Variants in KIF18A observed in about 807,000 individuals in gnomAD.
KIF18A encodes kinesin-like protein KIF18A.
KIF18A carries 67 observed loss-of-function variants against 103.3 expected under a neutral mutation model. The observed-to-expected ratio is 0.65, with a 90% CI of 0.53 to 0.79. The LOEUF (loss-of-function observed/expected upper bound fraction) is 0.79. Among genes scored for constraint, KIF18A ranks in the 30% least tolerant of loss-of-function variants. KIF18A has a pLI of 0.00. For synonymous variants in KIF18A, 367 were observed against 355.5 expected (o/e 1.03, Z -0.36); for missense variants, 1,032 against 1,062.5 (o/e 0.97, Z 0.40).
rs553362409 is a variant in KIF18A at position 28,041,079 on chromosome 11, A to G, written c.1949-4415T>C. 3.6e-4 allele frequency among the ~76,000 whole-genome samples: 55 copies of G among 151,950 alleles called. No homozygotes were observed. The South Asian group carries it at 0.01, about 29-fold the overall frequency. ...AACAATCTAAAAGGAGTACACCTGC[A>G]TAAAAAGAATTCACTGTTCATCCCA... On this transcript the variant is annotated intron_variant, in intron 13 of 16. Coordinates refer to ENST00000263181, the MANE Select transcript of KIF18A (RefSeq NM_031217.4).
At chr11:28,036,120 A>G (rs113161766) in intron 14 of KIF18A, 97 bp downstream of exon 14, 2 of 707,502 alleles carry the variant, frequency 2.8e-6, no homozygotes, top group African/African-American at 1.8e-5. Context: ...ACTGTTTTAT[A>G]ATCAAAATGG....
chr11:28,063,229 G>T (rs541817588), intron 11 of KIF18A, among the ~76,000 whole-genome samples: 1 of 152,154 alleles, frequency 6.6e-6, no homozygotes, highest in South Asian at 2.1e-4. Context: ...CCTTTATGGA[G>T]ATCAGTTTAC....
rs1234171045 is a variant in KIF18A, at chr11:28,094,396, T to TGGGGGATCTGTATGAAGGGTATCTG, written c.483+222_483+246dup. On this transcript the variant is annotated intron_variant, in intron 3 of 16. Coordinates refer to ENST00000263181, the MANE Select transcript of KIF18A (RefSeq NM_031217.4). The stretch of plus-strand genomic sequence containing the variant: ...GCAAATGCAGTAAAATGCTAACATA[T>TGGGGGATCTGTATGAAGGGTATCTG]GGGGGATCTGTATGAAGGGTATCTG... Among the ~76,000 whole-genome samples the TGGGGGATCTGTATGAAGGGTATCTG allele has an allele frequency of 6.6e-5, 10 of 151,938 alleles. No individual in the cohort carries two copies. The East Asian group carries it at 1.9e-3, about 29-fold the overall frequency.
chr11:28,031,960 A>G (rs889400968), intron 15 of KIF18A, among the ~76,000 whole-genome samples: 2 of 151,952 alleles, frequency 1.3e-5, no homozygotes, highest in Non-Finnish European at 2.9e-5. Flanking sequence ...TTGTTTGCAG[A>G]TGACATGATC....
chr11:28,071,869 C>A (rs1194994272), intron 10 of KIF18A, among the ~76,000 whole-genome samples: 1 of 152,118 alleles, frequency 6.6e-6, no homozygotes, highest in Non-Finnish European at 1.5e-5. Context: ...CTAATTAAAT[C>A]ATCTTTATTT....
chr11:28,035,479 TGAA>T lies in KIF18A; in HGVS notation c.2409_2411del (p.Ser804del). The T allele has an allele frequency of 6.3e-7, 1 of 1,589,594 alleles. No homozygotes were observed. Among genetic ancestry groups the T allele is most frequent in the South Asian group, 1.2e-5 (1 of 86,472 alleles). Reference sequence around the variant, plus strand: ...CAGGCATAGAATGCTTAGTTGAGAATGAAGAAGGATCAAGCCTGTATATTAATA... The same window carrying T: ...CAGGCATAGAATGCTTAGTTGAGAATGAAGGATCAAGCCTGTATATTAATA... On this transcript the variant is annotated inframe_deletion, in exon 15 of 17. Coordinates refer to ENST00000263181, the MANE Select transcript of KIF18A (RefSeq NM_031217.4).
At chr11:28,095,077 T>G (rs967496282) in intron 2 of KIF18A, among the ~76,000 whole-genome samples, 6 of 152,336 alleles carry the variant, frequency 3.9e-5, no homozygotes, top group African/African-American at 1.4e-4. Flanking sequence ...CAGATTAGTC[T>G]TCATCTTCCA....
intron 7 of KIF18A, 50 bp from the exon 8 acceptor site, chr11:28,083,293 G>T (rs941208782): frequency 4.7e-6 from 7 of 1,495,798 alleles, no homozygotes; most frequent in African/African-American, 1.5e-5. Context: ...AATAATCACA[G>T]AGATAAATAC....
intron 10 of KIF18A, among the ~76,000 whole-genome samples, chr11:28,072,108 A>T (rs1215506733): frequency 1.3e-5 from 2 of 152,176 alleles, no homozygotes; most frequent in Non-Finnish European, 2.9e-5. Context: ...GTGTTTGGGA[A>T]TACATTCTAA....
chr11:28,038,501 A>C (rs1208094274), intron 13 of KIF18A, among the ~76,000 whole-genome samples: 6 of 151,682 alleles, frequency 4.0e-5, no homozygotes, highest in African/African-American at 1.2e-4. Flanking sequence ...ATGAAGTAAA[A>C]TTCCCAGTTG....
intron 16 of KIF18A, among the ~76,000 whole-genome samples, chr11:28,021,525 C>T (rs548562395): frequency 9.2e-5 from 14 of 152,256 alleles, no homozygotes; most frequent in Middle Eastern, 3.4e-3. Context: ...ACACAGACAT[C>T]GGGTGAAGTC....
At chr11:28,084,605 C>A in intron 7 of KIF18A, 27 bp downstream of exon 7, 1 of 1,547,716 alleles carries the variant, frequency 6.5e-7, no homozygotes, top group East Asian at 2.3e-5. Context: ...AATACCTTCA[C>A]AACAAAGGCA....
chr11:28,086,796 T>C (rs1351942112), intron 6 of KIF18A, among the ~76,000 whole-genome samples: 4 of 152,142 alleles, frequency 2.6e-5, no homozygotes, highest in Non-Finnish European at 5.9e-5. Context: ...AATGACTCAA[T>C]AGGAGTCATT....
At chr11:28,044,012 G>A (rs1265968645) in intron 13 of KIF18A, among the ~76,000 whole-genome samples, 1 of 151,944 alleles carries the variant, frequency 6.6e-6, no homozygotes, top group East Asian at 1.9e-4. Flanking sequence ...CTGAAGGCAT[G>A]AGGTTGTCTC....
chr11:28,091,690 A>C (rs1188576668), intron 3 of KIF18A, among the ~76,000 whole-genome samples, 177 bp from the exon 4 acceptor site: 1 of 152,210 alleles, frequency 6.6e-6, no homozygotes, highest in Non-Finnish European at 1.5e-5. Context: ...ATCATTCCAG[A>C]AAATTGAAGA....
At position 28,094,750 on chromosome 11, in the gene KIF18A, A is replaced by T. The variant is rs980505543; in HGVS notation, c.376T>A (p.Ser126Thr). Reference sequence around the variant, plus strand: ...TACATCACTCCAGGTTCATCAGCTGATCCTAGCATAGTGTGGGTCTTCCCA... The same window carrying T: ...TACATCACTCCAGGTTCATCAGCTGTTCCTAGCATAGTGTGGGTCTTCCCA... ...GAGKTHTMLGSADEPGVMYLT... is the reference protein window; with the variant it reads ...GAGKTHTMLGTADEPGVMYLT... Residue 126 changes from serine (S) to threonine (T), a missense_variant, in exon 3 of 17, where the codon TCA becomes ACA. Transcript: ENST00000263181. 6.2e-7 allele frequency: 1 copy of T among 1,614,018 alleles called. No individual in the cohort carries two copies. Among genetic ancestry groups the T allele is most frequent in the Non-Finnish European group, 8.5e-7 (1 of 1,179,904 alleles).
chr11:28,035,783 GAT>G, intron 14 of KIF18A, among the ~76,000 whole-genome samples: 1 of 151,656 alleles, frequency 6.6e-6, no homozygotes, highest in East Asian at 1.9e-4. Context: ...AAGTGAGAAG[GAT>G]ATGTTTGCTT....
At chr11:28,061,503 T>C (rs143682997) in intron 12 of KIF18A, among the ~76,000 whole-genome samples, 126 of 152,272 alleles carry the variant, frequency 8.3e-4, no homozygotes, top group African/African-American at 2.8e-3. Flanking sequence ...AAAGAAATTA[T>C]TGTTTCTTGA....
intron 3 of KIF18A, among the ~76,000 whole-genome samples, chr11:28,091,908 C>T (rs1851309853): frequency 1.3e-5 from 2 of 152,168 alleles, no homozygotes; most frequent in South Asian, 2.1e-4. Flanking sequence ...CTCCGCCTCC[C>T]GGGTTCTCAC....
Sources: allele counts gnomAD v4.1 joint callset (sites outside exome capture counted in the v4.1 genomes callset), GRCh38; gene constraint gnomAD v4.1.1; transcripts MANE v1.5; gene names NCBI Gene and HGNC (gene_info 2026-07-23, HGNC 2026-07-21).